The following PDE11A variants were observed in gnomAD, a reference collection of about 807,000 sequenced individuals.
The protein encoded by PDE11A is dual 3',5'-cyclic-AMP and -GMP phosphodiesterase 11A.
PDE11A carries 100 observed loss-of-function variants against 100.5 expected under a neutral mutation model. The ratio of observed to expected loss-of-function variants is 1.00; its 90% CI spans 0.85 to 1.18. The LOEUF is 1.18. Among genes scored for constraint, PDE11A ranks in the 50% most tolerant of loss-of-function variants. The pLI is 0.00. For synonymous variants in PDE11A, 381 were observed against 420.8 expected (o/e 0.91, Z 1.16); for missense variants, 1,141 against 1,152.6 (o/e 0.99, Z 0.15).
At chr2:177,693,762 T>A (rs1574051113) in intron 15 of PDE11A, among the ~76,000 whole-genome samples, 1 of 152,174 alleles carries the variant, frequency 6.6e-6, no homozygotes, top group Admixed American at 6.5e-5. Flanking sequence ...GGGTTCCAGT[T>A]TTACCAATAA....
At chr2:177,836,169 T>G (rs557231062) in intron 6 of PDE11A, among the ~76,000 whole-genome samples, 1 of 152,332 alleles carries the variant, frequency 6.6e-6, no homozygotes, top group Non-Finnish European at 1.5e-5. Context: ...CCTTTATGTC[T>G]AGCTAAAGGA....
intron 2 of PDE11A, among the ~76,000 whole-genome samples, chr2:177,925,448 T>A (rs979340560): frequency 6.6e-6 from 1 of 151,962 alleles, no homozygotes; most frequent in Admixed American, 6.6e-5. Flanking sequence ...GGTATCTCAT[T>A]GTGGTTTTGA....
chr2:177,868,347 C>G (rs372143440), intron 5 of PDE11A, among the ~76,000 whole-genome samples: 2 of 151,876 alleles, frequency 1.3e-5, no homozygotes, highest in African/African-American at 4.8e-5. Flanking sequence ...GGAAAAGCCA[C>G]AGGAAAAACA....
chr2:177,905,459 T>C (rs903348531), intron 2 of PDE11A, among the ~76,000 whole-genome samples: 59 of 152,204 alleles, frequency 3.9e-4, no homozygotes, highest in African/African-American at 1.3e-3. Context: ...GGCTGTGACA[T>C]AGGAACTGTG....
At chr2:177,840,779 C>G (rs1288162361) in intron 5 of PDE11A, among the ~76,000 whole-genome samples, 1 of 151,994 alleles carries the variant, frequency 6.6e-6, no homozygotes, top group East Asian at 1.9e-4. Flanking sequence ...GAATGAAACC[C>G]AAGTAGGGAA....
At chr2:177,919,243 G>A (rs558027597) in intron 2 of PDE11A, among the ~76,000 whole-genome samples, 17 of 137,326 alleles carry the variant, frequency 1.2e-4, no homozygotes, top group African/African-American at 2.2e-4. Flanking sequence ...GACTATAGGC[G>A]CGCACCACCA....
intron 1 of PDE11A, among the ~76,000 whole-genome samples, chr2:178,015,649 T>C (rs1283750585): frequency 6.6e-6 from 1 of 152,166 alleles, no homozygotes; most frequent in Admixed American, 6.5e-5. Context: ...GTAATTATGC[T>C]GCAGAATGTC....
At chr2:177,979,572 G>A (rs2085854245) in intron 2 of PDE11A, among the ~76,000 whole-genome samples, 1 of 145,350 alleles carries the variant, frequency 6.9e-6, no homozygotes, top group East Asian at 2.0e-4. Flanking sequence ...CTCTCTGACA[G>A]CTTTATTACT....
chr2:177,728,130 T>C lies in PDE11A; in HGVS notation c.1831A>G (p.Ile611Val). 2 of 1,613,056 alleles carry C rather than the reference T, an allele frequency of 1.2e-6. No homozygotes were observed. Among genetic ancestry groups the C allele is most frequent in the Non-Finnish European group, 1.7e-6 (2 of 1,179,260 alleles). ...PLVSELAIDD[I>V]HFDDFSLDVD... is the part of the protein sequence containing the mutation. ...TCGAGAGAAAAGTCATCAAAATGAA[T>C]GTCATCGATGGCAAGTTCTGACACC... The change falls in exon 11 of 20, where the codon ATT becomes GTT. Residue 611 changes from isoleucine to valine, a missense_variant. Ile to Val is a conservative substitution (Grantham distance 29). Transcript: ENST00000286063.
intron 19 of PDE11A, among the ~76,000 whole-genome samples, chr2:177,630,480 G>A (rs2079902484): frequency 6.6e-6 from 1 of 152,096 alleles, no homozygotes; most frequent in African/African-American, 2.4e-5. Context: ...AAGATAGGGG[G>A]TAACATGGGG....
chr2:178,096,145 GA>G (rs1401567763), intron 2 of PDE11A, among the ~76,000 whole-genome samples: 1 of 141,226 alleles, frequency 7.1e-6, no homozygotes, highest in African/African-American at 2.6e-5. Context: ...TTTCTCCCCA[GA>G]AAACAGGTTT....
intron 9 of PDE11A, among the ~76,000 whole-genome samples, chr2:177,793,577 G>A (rs1225985833): frequency 6.7e-6 from 1 of 150,004 alleles, no homozygotes; most frequent in Non-Finnish European, 1.5e-5. Flanking sequence ...CACTCAGGGA[G>A]GAAAGGACCA....
intron 3 of PDE11A, 90 bp downstream of exon 3, chr2:177,905,008 C>T: frequency 1.3e-6 from 1 of 782,542 alleles, no homozygotes; most frequent in East Asian, 2.4e-5. Context: ...ATTCAAAGAT[C>T]ATTCATTGGC....
At chr2:177,986,548 G>T (rs35678669) in intron 2 of PDE11A, among the ~76,000 whole-genome samples, 15,868 of 152,036 alleles carry the variant, frequency 0.1, 1,147 homozygotes, top group Non-Finnish European at 0.15. Context: ...TGGGGATAAT[G>T]GGGCCAGGCA....
chr2:177,997,864 A>G, intron 2 of PDE11A: 1 of 1,379,890 alleles, frequency 7.2e-7, no homozygotes. Flanking sequence ...ATTTGTTTCT[A>G]GTTTTTCCAT....
intron 9 of PDE11A, among the ~76,000 whole-genome samples, chr2:177,786,314 T>G (rs2082536607): frequency 6.6e-6 from 1 of 152,298 alleles, no homozygotes; most frequent in South Asian, 2.1e-4. Context: ...CCAACAGACC[T>G]GCAGCTGAGG....
intron 2 of PDE11A, chr2:177,922,094 C>G (rs1188386185): frequency 1.3e-5 from 2 of 152,070 alleles, no homozygotes; most frequent in Non-Finnish European, 2.9e-5. Context: ...TTTAGCATTC[C>G]TCGAGGCTTG....
chr2:177,998,650 C>A, intron 2 of PDE11A: 1 of 1,269,078 alleles, frequency 7.9e-7, no homozygotes, highest in South Asian at 1.2e-5. Flanking sequence ...AATCGTTTTT[C>A]CTTAGTACCA....
rs981714018 is a variant in PDE11A, at chr2:178,054,892, T to G, written c.912+16634A>C. Among the ~76,000 whole-genome samples, 91 of 152,330 alleles carry G rather than the reference T, an allele frequency of 6.0e-4. 1 individual carries two copies. Among genetic ancestry groups the G allele is most frequent in the Admixed American group, 2.2e-3 (33 of 15,302 alleles). ...TGGAGAAATAGGAACATTTTTACAC[T>G]GTTGGTGGGACTGTAAACTAGTTCA... is the stretch of plus-strand genomic sequence containing the variant. On this transcript the variant is annotated intron_variant, in intron 1 of 19. Transcript: ENST00000286063.
Sources: allele counts gnomAD v4.1 joint callset (sites outside exome capture counted in the v4.1 genomes callset), GRCh38; gene constraint gnomAD v4.1.1; transcripts MANE v1.5; gene names NCBI Gene and HGNC (gene_info 2026-07-23, HGNC 2026-07-21).